The following SCAPER variants were observed in gnomAD, a reference collection of about 807,000 sequenced individuals.
SCAPER encodes S-phase cyclin A associated protein in the ER.
SCAPER carries 98 observed loss-of-function variants against 182.2 expected under a neutral mutation model. That is an observed-to-expected ratio of 0.54 (90% CI 0.46 to 0.64). The LOEUF is 0.64. Ranked by LOEUF, SCAPER falls within the 30% of genes least tolerant of loss-of-function variation. The pLI, the probability that SCAPER is intolerant of heterozygous loss-of-function variation, is 0.00. For synonymous variants in SCAPER, 605 were observed against 564.6 expected (o/e 1.07, Z -1.01); for missense variants, 1,432 against 1,690.0 (o/e 0.85, Z 2.68).
intron 25 of SCAPER, among the ~76,000 whole-genome samples, chr15:76,445,692 G>C (rs2047950499): frequency 6.6e-6 from 1 of 152,144 alleles, no homozygotes; most frequent in Non-Finnish European, 1.5e-5. Flanking sequence ...CAGGAAGCTG[G>C]TGAGTCCTGG....
At chr15:76,757,549 GAAT>G (rs1407841963) in intron 14 of SCAPER, among the ~76,000 whole-genome samples, 5 of 151,766 alleles carry the variant, frequency 3.3e-5, no homozygotes, top group Non-Finnish European at 7.4e-5. Flanking sequence ...TGGCTATTAC[GAAT>G]AATGTTACAG....
intron 25 of SCAPER, among the ~76,000 whole-genome samples, chr15:76,468,908 G>T (rs1300431104): frequency 6.6e-6 from 1 of 152,010 alleles, no homozygotes. Flanking sequence ...CACCATCTGG[G>T]GATAAAGTGA....
intron 14 of SCAPER, among the ~76,000 whole-genome samples, chr15:76,760,168 G>C (rs2062690485): frequency 6.6e-6 from 1 of 151,984 alleles, no homozygotes; most frequent in Non-Finnish European, 1.5e-5. Context: ...GCAGATTAGG[G>C]GCTCAGTCCC....
At chr15:76,851,439 T>C (rs1338864907) in intron 4 of SCAPER, among the ~76,000 whole-genome samples, 1 of 151,858 alleles carries the variant, frequency 6.6e-6, no homozygotes, top group Non-Finnish European at 1.5e-5. Context: ...GTAGCTTTAA[T>C]AGAGAGAAAG....
At chr15:76,417,606 G>T (rs1311452318) in intron 26 of SCAPER, among the ~76,000 whole-genome samples, 1 of 152,216 alleles carries the variant, frequency 6.6e-6, no homozygotes, top group Non-Finnish European at 1.5e-5. Flanking sequence ...GAACTATGGA[G>T]TCTGAGGTAC....
chr15:76,433,382 C>A (rs1172639397), intron 26 of SCAPER, among the ~76,000 whole-genome samples: 1 of 152,082 alleles, frequency 6.6e-6, no homozygotes, highest in Non-Finnish European at 1.5e-5. Context: ...GTGGCATGTG[C>A]CTGTAATCCC....
At chr15:76,696,223 C>G (rs1353556794) in intron 20 of SCAPER, among the ~76,000 whole-genome samples, 1 of 152,136 alleles carries the variant, frequency 6.6e-6, no homozygotes, top group African/African-American at 2.4e-5. Flanking sequence ...CCAGGCGCAC[C>G]CTGGCCAAGA....
chr15:76,766,416 A>G (rs1035918452), intron 11 of SCAPER, among the ~76,000 whole-genome samples: 1 of 152,096 alleles, frequency 6.6e-6, no homozygotes. Flanking sequence ...AATAGAATAC[A>G]AAAGTAAAAT....
At chr15:76,888,284 C>T (rs866400307) in intron 1 of SCAPER, among the ~76,000 whole-genome samples, 4 of 152,156 alleles carry the variant, frequency 2.6e-5, no homozygotes, top group Non-Finnish European at 4.4e-5. Context: ...TTCAAAGGAT[C>T]GCAGCTCCTC....
rs192490785 is a variant in SCAPER, at chr15:76,365,155, C to T, written c.3855+11007G>A. On this transcript the variant is annotated intron_variant, in intron 29 of 31. Transcript: ENST00000563290. Reference sequence around the variant, plus strand: ...CTGAAGGAAGGAATGAGTCTCAGCACTGAAGGCACTGCCCCTGGCTGTGGA... The same window carrying T: ...CTGAAGGAAGGAATGAGTCTCAGCATTGAAGGCACTGCCCCTGGCTGTGGA... Among the ~76,000 whole-genome samples the T allele has an allele frequency of 4.9e-4, 75 of 152,302 alleles. 1 individual carries two copies. Among genetic ancestry groups the T allele is most frequent in the Admixed American group, 4.0e-3 (61 of 15,298 alleles).
chr15:76,682,264 T>TTCC (rs2057759358), intron 20 of SCAPER, among the ~76,000 whole-genome samples: 1 of 130,518 alleles, frequency 7.7e-6, no homozygotes, highest in East Asian at 2.6e-4. Flanking sequence ...TCACCTCCCT[T>TTCC]CCCCCCCCCA....
At chr15:76,752,266 T>C (rs2062134620) in intron 15 of SCAPER, among the ~76,000 whole-genome samples, 1 of 151,696 alleles carries the variant, frequency 6.6e-6, no homozygotes, top group African/African-American at 2.4e-5. Flanking sequence ...CTGGAACCCT[T>C]GTGCACTACT....
chr15:76,717,142 G>GAAA (rs34439573), intron 17 of SCAPER, among the ~76,000 whole-genome samples: 1 of 126,280 alleles, frequency 7.9e-6, no homozygotes. Context: ...TGATGAAAGG[G>GAAA]AAAAAAAAAA....
intron 25 of SCAPER, among the ~76,000 whole-genome samples, chr15:76,438,943 T>C (rs547390691): frequency 3.3e-5 from 5 of 152,320 alleles, no homozygotes; most frequent in Non-Finnish European, 5.9e-5. Flanking sequence ...ATTCTCCTTG[T>C]CCCTTTGTAT....
chr15:76,827,979 T>G (rs2068147352), intron 5 of SCAPER, among the ~76,000 whole-genome samples: 1 of 152,110 alleles, frequency 6.6e-6, no homozygotes, highest in Non-Finnish European at 1.5e-5. Flanking sequence ...GGCTCTGCTC[T>G]CATGAAAGGT....
chr15:76,564,379 G>A (rs937848678), intron 23 of SCAPER, among the ~76,000 whole-genome samples: 6 of 151,952 alleles, frequency 3.9e-5, no homozygotes, highest in East Asian at 1.9e-4. Context: ...ACAGTCAAGC[G>A]AAGAGGCAAA....
At chr15:76,871,751 C>T (rs1394966059) in intron 2 of SCAPER, among the ~76,000 whole-genome samples, 2 of 151,774 alleles carry the variant, frequency 1.3e-5, no homozygotes, top group South Asian at 2.1e-4. Flanking sequence ...CCACCATGCT[C>T]GGCTAATTTT....
intron 24 of SCAPER, among the ~76,000 whole-genome samples, chr15:76,485,891 G>C (rs2051589493): frequency 6.6e-6 from 1 of 152,124 alleles, no homozygotes; most frequent in African/African-American, 2.4e-5. Flanking sequence ...AACTCGAGAT[G>C]GATTAAAGAC....
chr15:76,436,796 C>G (rs913255287), intron 25 of SCAPER, among the ~76,000 whole-genome samples: 1 of 152,182 alleles, frequency 6.6e-6, no homozygotes, highest in Non-Finnish European at 1.5e-5. Flanking sequence ...AAGCTGAATA[C>G]AAACTTCTGT....
Sources: gnomAD v4.1 joint callset for allele counts (sites outside exome capture counted in the v4.1 genomes callset) on GRCh38, gnomAD v4.1.1 for gene constraint, MANE v1.5 for transcripts, NCBI Gene and HGNC (gene_info 2026-07-23, HGNC 2026-07-21) for gene names.